The following SORBS2 variants were observed in gnomAD, a reference collection of about 807,000 sequenced individuals.
The protein encoded by SORBS2 is sorbin and SH3 domain containing 2, also known as sorbin and SH3 domain-containing protein 2.
SORBS2 carries 46 observed loss-of-function variants against 97.7 expected under a neutral mutation model. That is an observed-to-expected ratio of 0.47 (90% CI 0.37 to 0.60). The LOEUF (loss-of-function observed/expected upper bound fraction) is 0.60. Ranked by LOEUF, SORBS2 falls within the 20% of genes least tolerant of loss-of-function variation. SORBS2 has a pLI of 0.00. For missense variants in SORBS2, 1,316 were observed against 1,282.3 expected, an observed-to-expected ratio of 1.03 and a Z score of -0.40; for synonymous variants, 476 against 473.4, an observed-to-expected ratio of 1.01 and a Z score of -0.07.
At chr4:185,698,308 C>T (rs2153528384) in intron 2 of SORBS2, among the ~76,000 whole-genome samples, 1 of 152,220 alleles carries the variant, frequency 6.6e-6, no homozygotes, top group Non-Finnish European at 1.5e-5. Flanking sequence ...AAACCCCTGC[C>T]TCTACTAAAA....
chr4:185,665,734 T>A, intron 4 of SORBS2: 1 of 984,216 alleles, frequency 1.0e-6, no homozygotes, highest in Non-Finnish European at 1.2e-6. Flanking sequence ...AATAATTACA[T>A]GAGTGGCCGC....
chr4:185,873,848 T>TA (rs1175154931), intron 1 of SORBS2, among the ~76,000 whole-genome samples: 2 of 152,178 alleles, frequency 1.3e-5, no homozygotes, highest in Non-Finnish European at 2.9e-5. Context: ...ACATGAACAT[T>TA]TATATTATTG....
chr4:185,901,773 C>A (rs1301215541), intron 1 of SORBS2, among the ~76,000 whole-genome samples: 1 of 152,094 alleles, frequency 6.6e-6, no homozygotes, highest in Non-Finnish European at 1.5e-5. Context: ...CTTAGCAGAG[C>A]AAAATATATG....
intron 2 of SORBS2, among the ~76,000 whole-genome samples, chr4:185,759,103 G>C (rs10015164): frequency 6.6e-6 from 1 of 151,990 alleles, no homozygotes; most frequent in Non-Finnish European, 1.5e-5. Flanking sequence ...GACAGTGCTC[G>C]GATTTGCATG....
intron 2 of SORBS2, among the ~76,000 whole-genome samples, chr4:185,747,473 G>A (rs1200550454): frequency 1.1e-4 from 16 of 152,244 alleles, no homozygotes; most frequent in Admixed American, 1.0e-3. Flanking sequence ...GAGGGCACAA[G>A]TTCATGGCAG....
chr4:185,774,757 G>A lies in SORBS2; in HGVS notation c.-198+470C>T, dbSNP rs573330812. ...CTCTAATTCCACACGAGCAATGAAC[G>A]AAACAGTGATGAAAGGAGAACATTA... On this transcript the variant is annotated intron_variant, in intron 2 of 20. Transcript: ENST00000284776. 3.9e-5 allele frequency: 6 copies of A among 152,010 alleles called. No homozygotes were observed. In the South Asian group the frequency reaches 6.2e-4, roughly 16 times the overall value. 9.4% of individuals were successfully genotyped at this position (152,010 alleles called of 1,614,324 possible).
chr4:185,895,044 A>C (rs2099244351), intron 1 of SORBS2, among the ~76,000 whole-genome samples: 1 of 152,180 alleles, frequency 6.6e-6, no homozygotes. Context: ...TTGCACACTT[A>C]CTTTAATTTT....
chr4:185,891,406 G>A (rs28654324), intron 1 of SORBS2, among the ~76,000 whole-genome samples: 4,755 of 152,244 alleles, frequency 0.031, 214 homozygotes, highest in African/African-American at 0.099. Context: ...CAAGAACACA[G>A]GTTAGGAGAA....
chr4:185,620,070 T>C (rs371657082), exon 8 of SORBS2: 35 of 1,600,430 alleles, frequency 2.2e-5, no homozygotes, highest in South Asian at 4.4e-5. Flanking sequence ...TACCTCTTTT[T>C]CTGGAGTTCC....
At chr4:185,937,388 T>C (rs1416894624) in intron 1 of SORBS2, among the ~76,000 whole-genome samples, 1 of 152,184 alleles carries the variant, frequency 6.6e-6, no homozygotes. Context: ...ATTGTTAGGG[T>C]GAAATGAAGT....
intron 1 of SORBS2, among the ~76,000 whole-genome samples, chr4:185,909,216 T>C (rs1010712739): frequency 3.3e-5 from 5 of 152,196 alleles, no homozygotes; most frequent in African/African-American, 4.8e-5. Context: ...TATTCAGCCA[T>C]AAAAAATGAA....
Position 185,780,051 on chromosome 4 carries a change from T to C in SORBS2, c.-337-4685A>G, listed in dbSNP as rs559786001. On this transcript the variant is annotated intron_variant, in intron 1 of 20. Coordinates refer to the SORBS2 transcript ENST00000284776. ...TTTTTTTGAGACGGAGTTTTGCTCT[T>C]GTTGCCCAGGCTGGAGTGCAATAGC... Among the ~76,000 whole-genome samples the C allele has an allele frequency of 1.2e-4, 18 of 149,118 alleles. No individual in the cohort carries two copies. The East Asian group carries it at 3.7e-3, about 31-fold the overall frequency.
At chr4:185,714,905 T>C (rs1412008421) in intron 2 of SORBS2, among the ~76,000 whole-genome samples, 3 of 152,210 alleles carry the variant, frequency 2.0e-5, no homozygotes, top group African/African-American at 4.8e-5. Context: ...TCAACAGGCA[T>C]GCTACCTAAA....
At chr4:185,904,037 A>AT (rs1336395471) in intron 1 of SORBS2, among the ~76,000 whole-genome samples, 2 of 152,168 alleles carry the variant, frequency 1.3e-5, no homozygotes, top group South Asian at 2.1e-4. Flanking sequence ...AATTATTATT[A>AT]TTTTTTAATC....
intron 1 of SORBS2, among the ~76,000 whole-genome samples, chr4:185,820,432 T>C (rs1361470391): frequency 1.3e-5 from 2 of 152,210 alleles, no homozygotes; most frequent in Non-Finnish European, 2.9e-5. Context: ...CTTTCCCTCA[T>C]TTAACCTTTT....
At position 185,631,613 on chromosome 4, in the gene SORBS2, C is replaced by T. The variant is rs560499151; in HGVS notation, c.397-1015G>A. 6.9e-4 allele frequency among the ~76,000 whole-genome samples: 105 copies of T among 152,092 alleles called. 1 individual carries two copies. Among genetic ancestry groups the T allele is most frequent in the South Asian group, 4.2e-4 (2 of 4,814 alleles). On this transcript the variant is annotated intron_variant, in intron 4 of 14. Transcript: ENST00000418609. ...CCCTGTCTCTACTAAATATGAAAAA[C>T]GAGCCAGGCATGGTGACACATTCCT...
intron 2 of SORBS2, among the ~76,000 whole-genome samples, chr4:185,751,190 A>AAAAAAAAAAAAAAAAAAAAAGAAAAAAAG: frequency 1.2e-5 from 1 of 86,426 alleles, no homozygotes; most frequent in African/African-American, 4.1e-5. Context: ...AAAAAAAAAA[A>AAAAAAAAAAAAAAAAAAAAAGAAAAAAAG]AGAGAAAGAG....
At chr4:185,734,511 C>G (rs989314176) in intron 2 of SORBS2, among the ~76,000 whole-genome samples, 1 of 152,164 alleles carries the variant, frequency 6.6e-6, no homozygotes, top group African/African-American at 2.4e-5. Context: ...TTCCTTGCCC[C>G]CTATTTCATA....
chr4:185,841,480 G>A (rs2099211508), intron 1 of SORBS2, among the ~76,000 whole-genome samples: 1 of 152,166 alleles, frequency 6.6e-6, no homozygotes, highest in African/African-American at 2.4e-5. Flanking sequence ...TGTATTGAAG[G>A]TGCCAGAGCC....
Sources: gnomAD v4.1 joint callset for allele counts (sites outside exome capture counted in the v4.1 genomes callset) on GRCh38, gnomAD v4.1.1 for gene constraint, MANE v1.5 for transcripts, NCBI Gene and HGNC (gene_info 2026-07-23, HGNC 2026-07-21) for gene names.